UGT1A8: variants seen among roughly 807,000 people sequenced by gnomAD.
UGT1A8 encodes the protein UDP glucuronosyltransferase family 1 member A8.
UGT1A8 carries 39 observed loss-of-function variants against 45.3 expected under a neutral mutation model. The ratio of observed to expected loss-of-function variants is 0.86; its 90% CI spans 0.67 to 1.12. The LOEUF is 1.12. Ranked by LOEUF, UGT1A8 falls within the 50% of genes most tolerant of loss-of-function variation. UGT1A8 has a pLI of 0.00. For synonymous variants in UGT1A8, 275 were observed against 249.2 expected (o/e 1.10, Z -0.97); for missense variants, 719 against 664.9 (o/e 1.08, Z -0.90).
chr2:233,648,795 G>A (rs1171380812), intron 1 of UGT1A8: 2 of 914,948 alleles, frequency 2.2e-6, no homozygotes, highest in East Asian at 3.8e-5. Context: ...AGAGAGTAAG[G>A]AACCACATCT....
intron 1 of UGT1A8, chr2:233,691,521 A>C (rs965532552): frequency 1.0e-6 from 1 of 985,728 alleles, no homozygotes; most frequent in African/African-American, 1.7e-5. Flanking sequence ...CCAGGTGTGC[A>C]TGACTAGCTC....
At chr2:233,693,552 G>A in intron 1 of UGT1A8, 3 of 1,614,184 alleles carry the variant, frequency 1.9e-6, no homozygotes, top group Non-Finnish European at 2.5e-6. Context: ...CATACATTCA[G>A]CAGAAGCCCA....
intron 1 of UGT1A8, chr2:233,755,092 ACGC>A (rs1418876721): frequency 2.2e-6 from 3 of 1,335,040 alleles, no homozygotes; most frequent in Non-Finnish European, 3.0e-6. Flanking sequence ...TCGCGTTTCT[ACGC>A]GTCCGACAAC....
At chr2:233,651,797 G>A (rs187595454) in intron 1 of UGT1A8, among the ~76,000 whole-genome samples, 56 of 152,274 alleles carry the variant, frequency 3.7e-4, no homozygotes, top group Middle Eastern at 3.4e-3. Context: ...GTGTGTCCAC[G>A]CGTGTTTGTG....
intron 1 of UGT1A8, chr2:233,682,017 A>G (rs949229127): frequency 6.2e-7 from 1 of 1,614,130 alleles, no homozygotes; most frequent in Non-Finnish European, 8.5e-7. Flanking sequence ...AAGGCAGGGA[A>G]GCTGCTGGTA....
intron 1 of UGT1A8, chr2:233,713,366 T>C (rs2076312897): frequency 1.2e-6 from 2 of 1,614,198 alleles, no homozygotes; most frequent in Non-Finnish European, 1.7e-6. Flanking sequence ...TGATCATACA[T>C]AGGTCTTGTG....
intron 1 of UGT1A8, chr2:233,719,472 C>G: frequency 6.2e-7 from 1 of 1,614,022 alleles, no homozygotes; most frequent in Non-Finnish European, 8.5e-7. Context: ...GCTCTACCCT[C>G]TGGCCCTGTC....
At chr2:233,714,075 C>G (rs575529005) in intron 1 of UGT1A8, among the ~76,000 whole-genome samples, 1 of 152,080 alleles carries the variant, frequency 6.6e-6, no homozygotes, top group African/African-American at 2.4e-5. Context: ...GAGGCAGGGA[C>G]GAGGATCTGT....
chr2:233,687,321 A>G (rs2074832888), intron 1 of UGT1A8, among the ~76,000 whole-genome samples: 1 of 152,152 alleles, frequency 6.6e-6, no homozygotes, highest in Non-Finnish European at 1.5e-5. Context: ...TCTTGATGCA[A>G]GTTTCCCTTG....
chr2:233,621,980 G>A (rs556541953), intron 1 of UGT1A8, among the ~76,000 whole-genome samples: 31 of 152,194 alleles, frequency 2.0e-4, no homozygotes, highest in African/African-American at 7.5e-4. Flanking sequence ...AATATGCACT[G>A]TTTGATTTTC....
Position 233,772,725 on chromosome 2 carries a change from A to G in UGT1A8, c.*166A>G. ...AAATTCTCTTAAATAAAAATAATAG[A>G]CTCGCTAGTCAGTAAAGATATTTGA... On this transcript the variant is annotated 3_prime_UTR_variant, in exon 5 of 5. Coordinates refer to ENST00000373450, the MANE Select transcript of UGT1A8 (RefSeq NM_019076.5). The G allele has an allele frequency of 6.9e-7, 1 of 1,452,344 alleles. No homozygotes were observed. Among genetic ancestry groups the G allele is most frequent in the Non-Finnish European group, 9.0e-7 (1 of 1,105,170 alleles). The allele number at this position is 1,452,344 out of a possible 1,614,324, so 90.0% of individuals were successfully genotyped here.
intron 1 of UGT1A8, among the ~76,000 whole-genome samples, chr2:233,725,279 GGCAGAGGCAGAGGCA>G (rs1325326342): frequency 1.4e-4 from 6 of 44,284 alleles, no homozygotes; most frequent in East Asian, 3.0e-3. Context: ...CAGAGGCAGA[GGCAGAGGCAGAGGCA>G]GAGGCAGAGG....
chr2:233,638,917 C>G lies in UGT1A8; in HGVS notation c.855+20355C>G, dbSNP rs552701105. The stretch of plus-strand genomic sequence containing the variant: ...GCGAGGAGATGCAAGTTGCAGGACT[C>G]TAAGAGGTTGGACTTATCAAAGCAC... On this transcript the variant is annotated intron_variant, in intron 1 of 4. Coordinates refer to ENST00000373450, the MANE Select transcript of UGT1A8 (RefSeq NM_019076.5). Among the ~76,000 whole-genome samples, 11 of 152,326 alleles carry G rather than the reference C, an allele frequency of 7.2e-5. 1 individual carries two copies. In the South Asian group the frequency reaches 2.3e-3, roughly 32 times the overall value.
At chr2:233,648,610 GC>G (rs1161048019) in intron 1 of UGT1A8, among the ~76,000 whole-genome samples, 2 of 127,798 alleles carry the variant, frequency 1.6e-5, no homozygotes, top group African/African-American at 6.0e-5. Flanking sequence ...ACAGGTGCCT[GC>G]CACCACGCCT....
intron 3 of UGT1A8, 26 bp downstream of exon 3, chr2:233,767,962 G>C (rs775218208): frequency 6.2e-7 from 1 of 1,614,120 alleles, no homozygotes; most frequent in Non-Finnish European, 8.5e-7. Context: ...TGGATGTATA[G>C]GTCAAACCAG....
intron 1 of UGT1A8, among the ~76,000 whole-genome samples, chr2:233,742,483 C>T (rs1442583410): frequency 6.6e-6 from 1 of 151,916 alleles, no homozygotes; most frequent in African/African-American, 2.4e-5. Context: ...TCACAACCTT[C>T]AGCATAGGCA....
intron 1 of UGT1A8, among the ~76,000 whole-genome samples, chr2:233,661,220 C>A (rs1026359366): frequency 2.6e-5 from 4 of 151,690 alleles, no homozygotes; most frequent in Non-Finnish European, 5.9e-5. Context: ...TATTTTCCTA[C>A]CTTAATTTTC....
At chr2:233,741,386 A>C (rs1288438490) in intron 1 of UGT1A8, 1 of 151,760 alleles carries the variant, frequency 6.6e-6, no homozygotes, top group Non-Finnish European at 1.5e-5. Flanking sequence ...CCTTTCTACC[A>C]CTTTGAAACT....
intron 1 of UGT1A8, chr2:233,713,074 G>A (rs2076276238): frequency 3.1e-6 from 5 of 1,614,210 alleles, no homozygotes; most frequent in South Asian, 1.1e-5. Flanking sequence ...TGGGCTGAGA[G>A]TGGGAAGGTG....
Sources: gnomAD v4.1 joint callset for allele counts (sites outside exome capture counted in the v4.1 genomes callset) on GRCh38, gnomAD v4.1.1 for gene constraint, MANE v1.5 for transcripts, NCBI Gene and HGNC (gene_info 2026-07-23, HGNC 2026-07-21) for gene names.